The following SZT2 variants were observed in gnomAD, a reference collection of about 807,000 sequenced individuals.
SZT2 encodes KICSTOR complex protein SZT2.
In SZT2, 216 loss-of-function variants were observed where a neutral mutation model predicts 404.2. The observed-to-expected ratio is 0.53, with a 90% CI of 0.48 to 0.60. SZT2 has a LOEUF of 0.60. Among genes scored for constraint, SZT2 ranks in the 20% least tolerant of loss-of-function variants. The probability of loss-of-function intolerance (pLI) is 0.00; values close to 1 mark genes in which losing one functional copy is unlikely to be tolerated. For missense variants in SZT2, 3,857 were observed against 4,459.2 expected, an observed-to-expected ratio of 0.86 and a Z score of 3.85; for synonymous variants, 1,693 against 1,749.9, an observed-to-expected ratio of 0.97 and a Z score of 0.81.
Position 43,440,471 on chromosome 1 carries a change from C to A in SZT2, c.7229C>A (p.Ser2410Ter), listed in dbSNP as rs764683442. 1 of 1,600,670 alleles carries A rather than the reference C, an allele frequency of 6.2e-7. No homozygotes were observed. Among genetic ancestry groups the A allele is most frequent in the Non-Finnish European group, 8.5e-7 (1 of 1,174,088 alleles). ...TCCACAGGAAGTCTCAGGAACGGAT[C>A]GTTGGAAACTAAGAGCTCTGCAGGC... ...DTPTGSLRNGSLETKSSAGRA... is the reference protein window; with the variant it reads ...DTPTGSLRNG Residue 2410 changes from serine to a stop codon, truncating the protein, a stop_gained, in exon 52 of 72, where the codon TCG (serine) becomes TAG (stop). Transcript: ENST00000634258. LOFTEE classifies it high-confidence loss of function.
intron 1 of SZT2, among the ~76,000 whole-genome samples, chr1:43,391,113 G>A (rs887055323): frequency 1.1e-4 from 16 of 152,284 alleles, no homozygotes; most frequent in South Asian, 2.1e-4. Flanking sequence ...TGAGGAGTTC[G>A]AGACCAGCCT....
At position 43,442,513 on chromosome 1, in the gene SZT2, G is replaced by A; in HGVS notation, c.8046G>A (p.Val2682=). 6.2e-7 allele frequency: 1 copy of A among 1,614,168 alleles called. No homozygotes were observed. The highest frequency in any genetic ancestry group is 8.5e-7 in the Non-Finnish European group (1 of 1,180,028). The change falls in exon 58 of 72, where the codon GTG becomes GTA. Residue 2682 remains valine (V), a synonymous_variant. Transcript: ENST00000634258. The surrounding 1 kb of genome is among the most constrained non-coding windows in gnomAD (Gnocchi z 4.5). ...AALGRALVRL[V]QWQNARAHLI... Reference sequence around the variant, plus strand: ...TGGGCCGAGCGCTGGTTCGCCTGGTGCAGTGGCAGAATGCACGAGCCCATC... The same window carrying A: ...TGGGCCGAGCGCTGGTTCGCCTGGTACAGTGGCAGAATGCACGAGCCCATC...
rs1652508728 is a variant in SZT2, at chr1:43,422,630, C to T, written c.1920C>T (p.Ser640=). 6.3e-7 allele frequency: 1 copy of T among 1,588,340 alleles called. No homozygotes were observed. Among genetic ancestry groups the T allele is most frequent in the African/African-American group, 1.3e-5 (1 of 74,326 alleles). ...VEGYSYVKLL[S]SAPDQPPNSF... Reference sequence around the variant, plus strand: ...GCTATTCTTATGTTAAGCTGCTCTCCAGGTGGGCAAAGTGATGTCCCTTCA... The same window carrying T: ...GCTATTCTTATGTTAAGCTGCTCTCTAGGTGGGCAAAGTGATGTCCCTTCA... Residue 640 remains serine (S), a splice_region_variant and synonymous_variant, in exon 13 of 72, where the codon TCC becomes TCT. Coordinates refer to ENST00000634258, the MANE Select transcript of SZT2 (RefSeq NM_001365999.1).
At chr1:43,415,523 C>T (rs1651600845) in intron 5 of SZT2, among the ~76,000 whole-genome samples, 1 of 152,200 alleles carries the variant, frequency 6.6e-6, no homozygotes, top group Admixed American at 6.5e-5. Context: ...GCATTTTGTA[C>T]AATCAGGGAT....
chr1:43,411,381 T>C (rs1477699971), intron 4 of SZT2, among the ~76,000 whole-genome samples: 1 of 152,188 alleles, frequency 6.6e-6, no homozygotes, highest in Non-Finnish European at 1.5e-5. Context: ...GGATGCCCTC[T>C]ACCCATGGCA....
chr1:43,441,197 C>G lies in SZT2; in HGVS notation c.7345-17C>G, dbSNP rs558189639. 71 of 1,611,048 alleles carry G rather than the reference C, an allele frequency of 4.4e-5. No homozygotes were observed. Among genetic ancestry groups the G allele is most frequent in the South Asian group, 2.2e-4 (20 of 90,872 alleles). Reference sequence around the variant, plus strand: ...CTCTTCCCAGTAGCCCTTCCTCATTCACTGCATTGCCCCCAGAGTAAAACA... The same window carrying G: ...CTCTTCCCAGTAGCCCTTCCTCATTGACTGCATTGCCCCCAGAGTAAAACA... On this transcript the variant is annotated splice_polypyrimidine_tract_variant and intron_variant, in intron 52 of 71. Transcript: ENST00000634258. The surrounding 1 kb of genome is among the most constrained non-coding windows in gnomAD (Gnocchi z 4.8).
rs41312024 is a variant in SZT2, at chr1:43,404,400, C to A, written c.348C>A (p.Ile116=). The change falls in exon 4 of 72, where the codon ATC becomes ATA. Residue 116 remains isoleucine, a synonymous_variant. Coordinates refer to ENST00000634258, the MANE Select transcript of SZT2 (RefSeq NM_001365999.1). ...TGIVDDSTGE[I]LFDEVFHALS... is the part of the protein sequence containing the mutation. Reference sequence around the variant, plus strand: ...CTCAGGATGATTCCACAGGGGAGATCTTGTTTGATGAAGTTTTCCATGCCC... The same window carrying A: ...CTCAGGATGATTCCACAGGGGAGATATTGTTTGATGAAGTTTTCCATGCCC... 0.014 allele frequency: 22,820 copies of A among 1,613,574 alleles called. 204 individuals carry two copies. Among genetic ancestry groups the A allele is most frequent in the Non-Finnish European group, 0.017 (20,007 of 1,179,774 alleles).
At position 43,390,035 on chromosome 1, in the gene SZT2, G is replaced by T. The variant is rs569209081; in HGVS notation, c.27+40G>T. The T allele has an allele frequency of 4.4e-6, 6 of 1,375,344 alleles. No individual in the cohort carries two copies. In the African/African-American group the frequency reaches 6.1e-5, roughly 14 times the overall value. The allele number at this position is 1,375,344 out of a possible 1,614,324, so 85.2% of individuals were successfully genotyped here. ...GGCGCAGCACTGGGCCCCGAGATCC[G>T]AGGGGGAGGGTCCGGCGGGCAGGCG... On this transcript the variant is annotated intron_variant, in intron 1 of 71. Coordinates refer to ENST00000634258, the MANE Select transcript of SZT2 (RefSeq NM_001365999.1).
chr1:43,428,626 C>T (rs760313109), intron 28 of SZT2, 140 bp downstream of exon 28: 65 of 1,219,302 alleles, frequency 5.3e-5, no homozygotes, highest in Middle Eastern at 5.7e-4. Context: ...CGCCGGCTCA[C>T]GGACTCCCAT....
rs886925375 is a variant in SZT2 at position 43,441,447 on chromosome 1, G to C, written c.7512-57G>C. ...TGAAGTCACAGATGGGCCTTGGTCT[G>C]TATAAACATACAAGTGTCATGTATG... On this transcript the variant is annotated intron_variant, in intron 53 of 71. Transcript: ENST00000634258. The surrounding 1 kb of genome is among the most constrained non-coding windows in gnomAD (Gnocchi z 4.8). The C allele has an allele frequency of 9.9e-6, 16 of 1,610,002 alleles. No individual in the cohort carries two copies. Among genetic ancestry groups the C allele is most frequent in the Non-Finnish European group, 1.2e-5 (14 of 1,177,676 alleles).
At position 43,441,119 on chromosome 1, in the gene SZT2, C is replaced by T. The variant is rs1655014637; in HGVS notation, c.7345-95C>T. 6.7e-7 allele frequency: 1 copy of T among 1,489,274 alleles called. No homozygotes were observed. The highest frequency in any genetic ancestry group is 9.1e-7 in the Non-Finnish European group (1 of 1,100,306). The allele number at this position is 1,489,274 out of a possible 1,614,324, so 92.3% of individuals were successfully genotyped here. ...GAAGCCAGGGTCTGAACCCAGACCT[C>T]TGAATCCTCCTAGCTCACTGCTGTT... On this transcript the variant is annotated intron_variant, in intron 52 of 71. Coordinates refer to ENST00000634258, the MANE Select transcript of SZT2 (RefSeq NM_001365999.1). The surrounding 1 kb of genome is among the most constrained non-coding windows in gnomAD (Gnocchi z 4.8).
chr1:43,450,706 GAGTC>G lies in SZT2; in HGVS notation c.*229_*232del. 2.7e-6 allele frequency: 2 copies of G among 728,820 alleles called. No homozygotes were observed. Among genetic ancestry groups the G allele is most frequent in the Non-Finnish European group, 4.7e-6 (2 of 426,618 alleles). The allele number at this position is 728,820 out of a possible 1,614,324, so 45.1% of individuals were successfully genotyped here. The stretch of plus-strand genomic sequence containing the variant: ...CCACTGACCCATCCAGGACTCCAGA[GAGTC>G]AGGTCAACCCCGAGGACCCCTTGGG... On this transcript the variant is annotated 3_prime_UTR_variant, in exon 72 of 72. Coordinates refer to ENST00000634258, the MANE Select transcript of SZT2 (RefSeq NM_001365999.1). The surrounding 1 kb of genome is among the most constrained non-coding windows in gnomAD (Gnocchi z 4.3).
At position 43,443,182 on chromosome 1, in the gene SZT2, C is replaced by T. The variant is rs1246539646; in HGVS notation, c.8420-6C>T. 1.1e-5 allele frequency: 18 copies of T among 1,614,150 alleles called. No homozygotes were observed. Among genetic ancestry groups the T allele is most frequent in the Non-Finnish European group, 1.4e-5 (16 of 1,180,016 alleles). On this transcript the variant is annotated splice_region_variant and splice_polypyrimidine_tract_variant and intron_variant, in intron 59 of 71. Transcript: ENST00000634258. ...TGGGGCTACTACTAATGCCCTCAAC[C>T]CTCAGAGCTGGAGCGCCAGATGAAG...
chr1:43,403,431 G>A (rs949765357), intron 2 of SZT2, 129 bp downstream of exon 2: 54 of 1,431,986 alleles, frequency 3.8e-5, no homozygotes, highest in Non-Finnish European at 4.6e-5. Flanking sequence ...CTGCCTACAA[G>A]ATGATGGAAA....
intron 14 of SZT2, 100 bp from the exon 15 acceptor site, chr1:43,422,999 G>C: frequency 6.7e-7 from 1 of 1,502,058 alleles, no homozygotes; most frequent in South Asian, 1.2e-5. Flanking sequence ...GACCAAGGAA[G>C]ACCTGGAGAA....
chr1:43,418,011 T>C (rs952821151), intron 7 of SZT2, among the ~76,000 whole-genome samples: 7 of 152,118 alleles, frequency 4.6e-5, no homozygotes, highest in Non-Finnish European at 1.0e-4. Flanking sequence ...CTGTGAGAAG[T>C]AGCAAAAAGA....
chr1:43,451,005 G>C lies in SZT2; in HGVS notation c.*525G>C, dbSNP rs1023265101. The C allele has an allele frequency of 3.9e-6, 3 of 767,592 alleles. No individual in the cohort carries two copies. The highest frequency in any genetic ancestry group is 1.7e-5 in the African/African-American group (1 of 59,176). The allele number at this position is 767,592 out of a possible 1,614,324, so 47.5% of individuals were successfully genotyped here. A position where few individuals can be genotyped will look rare whatever the true frequency, so the allele number is the denominator to read the frequency against. On this transcript the variant is annotated 3_prime_UTR_variant, in exon 72 of 72. Coordinates refer to ENST00000634258, the MANE Select transcript of SZT2 (RefSeq NM_001365999.1). ...TCAAGTCCCTTTGCTCTCGGACCCT[G>C]GGTTTCTCATCCTTTAATGAGGTGG...
intron 4 of SZT2, among the ~76,000 whole-genome samples, chr1:43,408,787 G>A (rs1404182032): frequency 1.3e-5 from 2 of 152,104 alleles, no homozygotes; most frequent in African/African-American, 2.4e-5. Context: ...TATGGCTCCA[G>A]TTCTGCTCGT....
chr1:43,413,189 C>G (rs972774406), intron 4 of SZT2, among the ~76,000 whole-genome samples: 1 of 152,168 alleles, frequency 6.6e-6, no homozygotes, highest in Non-Finnish European at 1.5e-5. Context: ...TTGAGACCAG[C>G]CTGGCCAACA....
Sources: allele counts gnomAD v4.1 joint callset (sites outside exome capture counted in the v4.1 genomes callset), GRCh38; gene constraint gnomAD v4.1.1; non-coding constraint Gnocchi (gnomAD v3.1); transcripts MANE v1.5; gene names NCBI Gene and HGNC (gene_info 2026-07-23, HGNC 2026-07-21).